The following DSCAML1 variants were observed in gnomAD, a reference collection of about 807,000 sequenced individuals.
DSCAML1 encodes cell adhesion molecule DSCAML1.
A neutral mutation model predicts 200.5 loss-of-function variants in DSCAML1; 38 were observed. The observed-to-expected ratio is 0.19, with a 90% CI of 0.15 to 0.25. The LOEUF (loss-of-function observed/expected upper bound fraction) is 0.25. Among genes scored for constraint, DSCAML1 ranks in the 10% least tolerant of loss-of-function variants. The pLI is 1.00. For missense variants in DSCAML1, 2,223 were observed against 2,858.8 expected, an observed-to-expected ratio of 0.78 and a Z score of 5.07; for synonymous variants, 1,215 against 1,165.0, an observed-to-expected ratio of 1.04 and a Z score of -0.87.
intron 3 of DSCAML1, among the ~76,000 whole-genome samples, chr11:117,610,151 A>AC (rs2051659050): frequency 6.6e-6 from 1 of 152,200 alleles, no homozygotes; most frequent in Non-Finnish European, 1.5e-5. Flanking sequence ...TGGGGAGAGA[A>AC]ATTGTGACTG....
At position 117,525,076 on chromosome 11, in the gene DSCAML1, A is replaced by G; in HGVS notation, c.666T>C (p.Ala222=). Residue 222 remains alanine (A), a synonymous_variant, in exon 5 of 33, where the codon GCT becomes GCC. Transcript: ENST00000651296. The part of the protein sequence containing the change: ...NGARLSVTDP[A]ESIPTILDGF... Reference sequence around the variant, plus strand: ...CATCCAGGATGGTGGGGATCGACTCAGCAGGGTCTGGAAGGCAGAGAGGGT... The same window carrying G: ...CATCCAGGATGGTGGGGATCGACTCGGCAGGGTCTGGAAGGCAGAGAGGGT... 1 of 1,557,690 alleles carries G rather than the reference A, an allele frequency of 6.4e-7. No individual in the cohort carries two copies. The highest frequency in any genetic ancestry group is 8.6e-7 in the Non-Finnish European group (1 of 1,156,100).
Position 117,461,571 on chromosome 11 carries a change from G to A in DSCAML1, c.3291C>T (p.Val1097=). 2 of 1,613,772 alleles carry A rather than the reference G, an allele frequency of 1.2e-6. No individual in the cohort carries two copies. The highest frequency in any genetic ancestry group is 8.5e-7 in the Non-Finnish European group (1 of 1,180,032). ...CGTCAGAAGTGATGGACAGGGCCCG[G>A]ACGTTCTCAGGGGGCTGGCTGGGCA... The part of the protein sequence containing the change: ...EDVPSQPPEN[V]RALSITSDVA... Residue 1097 remains valine (V), a synonymous_variant, in exon 18 of 33, where the codon GTC becomes GTT. Transcript: ENST00000651296.
upstream of DSCAML1, among the ~76,000 whole-genome samples, chr11:117,797,418 T>G (rs1565291381): frequency 6.6e-6 from 1 of 152,220 alleles, no homozygotes; most frequent in Non-Finnish European, 1.5e-5. Context: ...CTCCGCTGTC[T>G]GAGAGGCGAG....
chr11:117,703,988 G>A (rs2053715432), intron 3 of DSCAML1, among the ~76,000 whole-genome samples: 2 of 152,176 alleles, frequency 1.3e-5, no homozygotes, highest in Non-Finnish European at 2.9e-5. Flanking sequence ...TGAGGAAAAT[G>A]AGAGTTTGGA....
intron 3 of DSCAML1, among the ~76,000 whole-genome samples, chr11:117,747,257 G>A (rs1032841134): frequency 1.3e-5 from 2 of 152,232 alleles, no homozygotes; most frequent in East Asian, 1.9e-4. Flanking sequence ...ATCAAGCACC[G>A]CAGATTTTTA....
chr11:117,629,784 G>A (rs1200612841), intron 3 of DSCAML1, among the ~76,000 whole-genome samples: 1 of 152,138 alleles, frequency 6.6e-6, no homozygotes, highest in Non-Finnish European at 1.5e-5. Flanking sequence ...AGTGTGTAAG[G>A]CCAGGGGTTT....
intron 3 of DSCAML1, among the ~76,000 whole-genome samples, chr11:117,569,903 T>G (rs1290133443): frequency 8.5e-5 from 13 of 152,142 alleles, no homozygotes; most frequent in Non-Finnish European, 2.9e-5. Flanking sequence ...GAACGAACTG[T>G]GAAGAACAGA....
In DSCAML1 at chr11:117,505,802, C is replaced by A; in HGVS notation, c.1784-70G>T. 2 of 1,528,918 alleles carry A rather than the reference C, an allele frequency of 1.3e-6. No individual in the cohort carries two copies. Among genetic ancestry groups the A allele is most frequent in the South Asian group, 1.3e-5 (1 of 79,458 alleles). 94.7% of individuals were successfully genotyped at this position (1,528,918 alleles called of 1,614,324 possible). ...CACCTGGCCGCCAACGCCGCCTCAC[C>A]TGCCTTACCTGGGGCTCTGGGTTGG... On this transcript the variant is annotated intron_variant, in intron 8 of 32. Transcript: ENST00000651296. This position sits in a 1 kb window ranked among gnomAD's most constrained non-coding sequence, Gnocchi z 6.7.
rs542026103 is a variant in DSCAML1 at position 117,592,667 on chromosome 11, C to T, written c.512-60145G>A. 3.9e-5 allele frequency among the ~76,000 whole-genome samples: 6 copies of T among 152,324 alleles called. No individual in the cohort carries two copies. In the South Asian group the frequency reaches 1.0e-3, roughly 26 times the overall value. On this transcript the variant is annotated intron_variant, in intron 3 of 32. Coordinates refer to ENST00000651296, the MANE Select transcript of DSCAML1 (RefSeq NM_020693.4). ...GCTGGGCAATGTTCTAAGCGATTTA[C>T]ACATATTCAATAACATAATCCCTTA...
intron 3 of DSCAML1, among the ~76,000 whole-genome samples, chr11:117,702,047 C>T (rs1049576180): frequency 1.3e-5 from 2 of 152,174 alleles, no homozygotes; most frequent in African/African-American, 4.8e-5. Flanking sequence ...CTTCTCCACC[C>T]CTCCTCCCAA....
chr11:117,671,770 C>A (rs1049444102), intron 3 of DSCAML1, among the ~76,000 whole-genome samples: 4 of 151,992 alleles, frequency 2.6e-5, no homozygotes, highest in Non-Finnish European at 5.9e-5. Context: ...GCAGAGTGGG[C>A]GGGGGAGAAG....
chr11:117,591,598 T>C (rs1381173350), intron 3 of DSCAML1, among the ~76,000 whole-genome samples: 2 of 152,256 alleles, frequency 1.3e-5, no homozygotes, highest in African/African-American at 4.8e-5. Context: ...CAGAGATTTA[T>C]GCACCTGGGT....
chr11:117,546,306 C>T (rs1227594336), intron 3 of DSCAML1, among the ~76,000 whole-genome samples: 2 of 152,210 alleles, frequency 1.3e-5, no homozygotes, highest in African/African-American at 4.8e-5. Context: ...CTGGATGACG[C>T]CACGTGAGCC....
chr11:117,482,189 A>G, intron 11 of DSCAML1, 27 bp from the exon 12 acceptor site: 1 of 1,613,000 alleles, frequency 6.2e-7, no homozygotes, highest in Non-Finnish European at 8.5e-7. Context: ...GAGAAGGCCC[A>G]GTGAAGGTCG....
intron 14 of DSCAML1, among the ~76,000 whole-genome samples, chr11:117,478,669 T>C (rs1214566946): frequency 2.0e-5 from 3 of 152,210 alleles, no homozygotes; most frequent in Non-Finnish European, 4.4e-5. Flanking sequence ...CAAAGCACCT[T>C]TGTAGATTTA....
In DSCAML1 at chr11:117,458,796, C is replaced by T; in HGVS notation, c.3526G>A (p.Gly1176Ser). The T allele has an allele frequency of 6.2e-7, 1 of 1,613,938 alleles. No homozygotes were observed. Among genetic ancestry groups the T allele is most frequent in the African/African-American group, 1.3e-5 (1 of 75,030 alleles). ...ATGTAGAGCACACTGCTGCGTACGC[C>T]GTCCCCAGCCTGGGTGTAGGCCAGC... ...QVLAYTQAGD[G>S]VRSSVLYIQT... The change falls in exon 19 of 33, where the codon GGC becomes AGC. Residue 1176 changes from glycine (G) to serine (S), a missense_variant. Gly to Ser is a moderately conservative substitution (Grantham distance 56). Transcript: ENST00000651296.
intron 3 of DSCAML1, among the ~76,000 whole-genome samples, chr11:117,596,635 C>T (rs545482089): frequency 4.6e-5 from 7 of 152,122 alleles, no homozygotes; most frequent in Admixed American, 1.3e-4. Context: ...ATGGAAGCAC[C>T]TATTCTAGGG....
At position 117,443,922 on chromosome 11, in the gene DSCAML1, T is replaced by C. The variant is rs1378575862; in HGVS notation, c.3826A>G (p.Ser1276Gly). 3 of 1,612,432 alleles carry C rather than the reference T, an allele frequency of 1.9e-6. No individual in the cohort carries two copies. The highest frequency in any genetic ancestry group is 2.2e-5 in the East Asian group (1 of 44,870). ...AAVTSAGRGN[S>G]SEKVTIEPAG... The stretch of plus-strand genomic sequence containing the variant: ...GGCTCGATGGTCACCTTCTCGCTGC[T>C]GTTGCCCCGGCCGGCAGAGGTGACG... The change falls in exon 21 of 33, where the codon AGC becomes GGC. Residue 1276 changes from serine (S) to glycine (G), a missense_variant. Transcript: ENST00000651296.
chr11:117,776,781 C>T lies in DSCAML1; in HGVS notation c.511+10G>A, dbSNP rs17311045. 0.078 allele frequency: 126,078 copies of T among 1,613,776 alleles called. 5,380 individuals are homozygous for T. Among genetic ancestry groups the T allele is most frequent in the African/African-American group, 0.13 (9,948 of 74,956 alleles). Reference sequence around the variant, plus strand: ...ACCTCTGTCTGCCGCAGCCCCGGGACGCTTCTTACCTGGGATGATGGAGAC... The same window carrying T: ...ACCTCTGTCTGCCGCAGCCCCGGGATGCTTCTTACCTGGGATGATGGAGAC... On this transcript the variant is annotated intron_variant, in intron 3 of 32. Transcript: ENST00000651296.
Sources: allele counts gnomAD v4.1 joint callset (sites outside exome capture counted in the v4.1 genomes callset), GRCh38; gene constraint gnomAD v4.1.1; non-coding constraint Gnocchi (gnomAD v3.1); transcripts MANE v1.5; gene names NCBI Gene and HGNC (gene_info 2026-07-23, HGNC 2026-07-21).